The following PMF1 variants were observed in gnomAD, a reference collection of about 807,000 sequenced individuals.
PMF1 encodes polyamine-modulated factor 1.
Under a neutral mutation model 26.7 loss-of-function variants are expected in PMF1, and 21 were observed. The ratio of observed to expected loss-of-function variants is 0.79; its 90% CI spans 0.56 to 1.13. PMF1 has a LOEUF of 1.13. Among genes scored for constraint, PMF1 ranks in the 50% most tolerant of loss-of-function variants. The pLI is 0.00. For synonymous variants in PMF1, 105 were observed against 101.0 expected (o/e 1.04, Z -0.24); for missense variants, 266 against 254.9 (o/e 1.04, Z -0.30).
chr1:156,238,889 C>CG (rs920366976), intron 4 of PMF1, among the ~76,000 whole-genome samples: 1 of 151,904 alleles, frequency 6.6e-6, no homozygotes, highest in Non-Finnish European at 1.5e-5. Context: ...AAGGCCCCCC[C>CG]CCCAAGCCTG....
At chr1:156,225,164 T>C (rs1658287955) in intron 1 of PMF1, among the ~76,000 whole-genome samples, 1 of 151,894 alleles carries the variant, frequency 6.6e-6, no homozygotes, top group South Asian at 2.1e-4. Context: ...CCTCCCAAAG[T>C]ACTGAGATTA....
At chr1:156,214,315 A>G (rs1572474318) in intron 1 of PMF1, among the ~76,000 whole-genome samples, 1 of 152,160 alleles carries the variant, frequency 6.6e-6, no homozygotes, top group Non-Finnish European at 1.5e-5. Flanking sequence ...TGCCCTGACC[A>G]CAGCCTCTCC....
intron 1 of PMF1, among the ~76,000 whole-genome samples, chr1:156,220,314 C>T (rs1333607998): frequency 1.3e-5 from 2 of 152,104 alleles, no homozygotes; most frequent in African/African-American, 2.4e-5. Flanking sequence ...CCTGCCTCAG[C>T]GTCCTGAGTA....
intron 1 of PMF1, among the ~76,000 whole-genome samples, chr1:156,229,833 A>G (rs1275901438): frequency 2.0e-5 from 3 of 152,134 alleles, no homozygotes; most frequent in Non-Finnish European, 2.9e-5. Flanking sequence ...TCTGCCTCCC[A>G]AAGTGCTGAG....
intron 4 of PMF1, among the ~76,000 whole-genome samples, chr1:156,238,975 G>A (rs996421471): frequency 3.9e-5 from 6 of 152,104 alleles, no homozygotes; most frequent in Non-Finnish European, 7.4e-5. Flanking sequence ...CTCAGGCAAG[G>A]CGCTGCTCCA....
chr1:156,215,999 C>A (rs1657676689), intron 1 of PMF1, among the ~76,000 whole-genome samples: 1 of 152,060 alleles, frequency 6.6e-6, no homozygotes, highest in South Asian at 2.1e-4. Context: ...TAAATTTGTT[C>A]TAGTTCTAGT....
intron 3 of PMF1, among the ~76,000 whole-genome samples, chr1:156,234,708 C>T (rs570022758): frequency 6.6e-6 from 1 of 152,044 alleles, no homozygotes; most frequent in East Asian, 1.9e-4. Flanking sequence ...GGGGTTTCAC[C>T]ATGTTGGCCA....
intron 1 of PMF1, among the ~76,000 whole-genome samples, chr1:156,219,875 G>A (rs925581007): frequency 6.6e-6 from 1 of 151,878 alleles, no homozygotes; most frequent in East Asian, 1.9e-4. Context: ...TCAGCCTCCC[G>A]AGTAGCTGGG....
chr1:156,213,107 C>T lies in PMF1; in HGVS notation c.92C>T (p.Thr31Ile), dbSNP rs1483980342. 8.7e-6 allele frequency: 14 copies of T among 1,614,232 alleles called. No individual in the cohort carries two copies. Among genetic ancestry groups the T allele is most frequent in the Non-Finnish European group, 1.2e-5 (14 of 1,180,022 alleles). The change falls in exon 1 of 5, where the codon ACC (threonine) becomes ATC (isoleucine). Residue 31 changes from threonine to isoleucine, a missense_variant. Thr to Ile is a moderately conservative substitution (Grantham distance 89). Coordinates refer to ENST00000368277, the MANE Select transcript of PMF1 (RefSeq NM_007221.4). ...TCGGAATCTGTGCCACCCGGCACTA[C>T]CATTTCGAGGGTGAAGCTCCTCGAC... is the stretch of plus-strand genomic sequence containing the variant. ...SSSESVPPGT[T>I]ISRVKLLDTM... is the part of the protein sequence containing the mutation.
rs1659034515 is a variant in PMF1, at chr1:156,236,648, A to G, written c.564+165A>G. 4.1e-5 allele frequency: 34 copies of G among 832,240 alleles called. No homozygotes were observed. In the South Asian group the frequency reaches 5.0e-4, roughly 12 times the overall value. The allele number at this position is 832,240 out of a possible 1,614,324, so 51.6% of individuals were successfully genotyped here. A position where few individuals can be genotyped will look rare whatever the true frequency, so the allele number is the denominator to read the frequency against. On this transcript the variant is annotated intron_variant, in intron 4 of 4. Coordinates refer to ENST00000368277, the MANE Select transcript of PMF1 (RefSeq NM_007221.4). Reference sequence around the variant, plus strand: ...TTACCTCTCCTTGGGCGTGTGCAGTAGCCTCTGCCAGCCTCAGCAGACAGT... The same window carrying G: ...TTACCTCTCCTTGGGCGTGTGCAGTGGCCTCTGCCAGCCTCAGCAGACAGT...
chr1:156,214,881 A>AT lies in PMF1; in HGVS notation c.161+1707dup, dbSNP rs1477660614. On this transcript the variant is annotated intron_variant, in intron 1 of 4. Coordinates refer to ENST00000368277, the MANE Select transcript of PMF1 (RefSeq NM_007221.4). Reference sequence around the variant, plus strand: ...CCAGATTATTATTATTATTATTATTATTATTTTTTTTTTTTAGGCAGTGTC... The same window carrying AT: ...CCAGATTATTATTATTATTATTATTATTTATTTTTTTTTTTTAGGCAGTGTC... Among the ~76,000 whole-genome samples the AT allele has an allele frequency of 2.1e-3, 312 of 146,934 alleles. 2 individuals are homozygous for AT. Among genetic ancestry groups the AT allele is most frequent in the African/African-American group, 7.7e-3 (302 of 39,344 alleles).
rs1423095748 is a variant in PMF1, at chr1:156,239,968, C to T, written c.*367C>T. 2.1e-5 allele frequency: 5 copies of T among 241,078 alleles called. No individual in the cohort carries two copies. The highest frequency in any genetic ancestry group is 1.1e-4 in the African/African-American group (5 of 44,574). 14.9% of individuals were successfully genotyped at this position (241,078 alleles called of 1,614,324 possible). On this transcript the variant is annotated 3_prime_UTR_variant, in exon 5 of 5. Coordinates refer to ENST00000368277, the MANE Select transcript of PMF1 (RefSeq NM_007221.4). ...TGTTTTCAATCTCCACTGATTGCCC[C>T]CTTGCTGGCCAGCCCAGGGGCCTTT... is the stretch of plus-strand genomic sequence containing the variant.
At chr1:156,225,644 G>A (rs920607387) in intron 1 of PMF1, 10 of 1,561,014 alleles carry the variant, frequency 6.4e-6, no homozygotes, top group Middle Eastern at 3.3e-4. Flanking sequence ...GTTGGGCGGC[G>A]TGCAGGTTAC....
At chr1:156,237,793 G>T (rs1244304330) in intron 4 of PMF1, among the ~76,000 whole-genome samples, 2 of 152,020 alleles carry the variant, frequency 1.3e-5, no homozygotes, top group African/African-American at 4.8e-5. Flanking sequence ...GTCTTGCTCT[G>T]TTGCCCAGGC....
rs1006840404 is a variant in PMF1, at chr1:156,216,744, C to T, written c.161+3568C>T. Reference sequence around the variant, plus strand: ...CAACCCCACCCCACTGGCTCCGTGCCGTGCGTGTCAGGCGTTCTCGTCTCC... The same window carrying T: ...CAACCCCACCCCACTGGCTCCGTGCTGTGCGTGTCAGGCGTTCTCGTCTCC... On this transcript the variant is annotated intron_variant, in intron 1 of 4. Transcript: ENST00000368277. Among the ~76,000 whole-genome samples the T allele has an allele frequency of 4.1e-5, 6 of 147,532 alleles. 1 individual carries two copies. In the South Asian group the frequency reaches 8.3e-4, roughly 20 times the overall value.
intron 1 of PMF1, among the ~76,000 whole-genome samples, chr1:156,223,004 C>T (rs1658169178): frequency 6.6e-6 from 1 of 152,196 alleles, no homozygotes; most frequent in African/African-American, 2.4e-5. Flanking sequence ...GGAAATAGTT[C>T]ATCACAGGAA....
chr1:156,238,425 T>C (rs2736612), intron 4 of PMF1, among the ~76,000 whole-genome samples: 66,110 of 152,112 alleles, frequency 0.43, 15,022 homozygotes, highest in East Asian at 0.52. Context: ...AAGGAGAAGA[T>C]GATGATCAAG....
At chr1:156,226,036 G>A (rs925451169) in intron 1 of PMF1, among the ~76,000 whole-genome samples, 11 of 152,072 alleles carry the variant, frequency 7.2e-5, no homozygotes, top group African/African-American at 2.4e-4. Context: ...TGTATTTTTA[G>A]TAGAGATGGG....
chr1:156,221,982 A>C (rs966763465), intron 1 of PMF1, among the ~76,000 whole-genome samples: 4 of 152,090 alleles, frequency 2.6e-5, no homozygotes, highest in Admixed American at 6.6e-5. Context: ...CCTGCCTCCA[A>C]ACTGGCCCTC....
Sources: gnomAD v4.1 joint callset for allele counts (sites outside exome capture counted in the v4.1 genomes callset) on GRCh38, gnomAD v4.1.1 for gene constraint, MANE v1.5 for transcripts, NCBI Gene and HGNC (gene_info 2026-07-23, HGNC 2026-07-21) for gene names.